EDIL3: variants seen among roughly 807,000 people sequenced by gnomAD.
EDIL3 encodes the protein EGF-like repeat and discoidin I-like domain-containing protein 3.
A neutral mutation model predicts 67.4 loss-of-function variants in EDIL3; 37 were observed. That is an observed-to-expected ratio of 0.55 (90% confidence interval 0.42 to 0.72). EDIL3 has a LOEUF of 0.72. Among genes scored for constraint, EDIL3 ranks in the 30% least tolerant of loss-of-function variants. EDIL3 has a pLI of 0.00. For synonymous variants in EDIL3, 195 were observed against 196.3 expected (o/e 0.99, Z 0.05); for missense variants, 527 against 586.3 (o/e 0.90, Z 1.04).
chr5:84,306,353 T>C (rs889161200), intron 1 of EDIL3, among the ~76,000 whole-genome samples: 1 of 152,186 alleles, frequency 6.6e-6, no homozygotes, highest in East Asian at 1.9e-4. Context: ...AAGGAACAAA[T>C]TGAGGTTTAA....
chr5:84,330,414 CT>C (rs777386002), intron 1 of EDIL3, among the ~76,000 whole-genome samples: 3 of 152,102 alleles, frequency 2.0e-5, no homozygotes, highest in Non-Finnish European at 4.4e-5. Context: ...TACTCAACAT[CT>C]TTTTAAAAAA....
At chr5:84,285,078 CTA>C (rs1745783332) in intron 1 of EDIL3, among the ~76,000 whole-genome samples, 1 of 152,084 alleles carries the variant, frequency 6.6e-6, no homozygotes, top group Non-Finnish European at 1.5e-5. Context: ...TTAAATAGCA[CTA>C]TGATTATATT....
At chr5:84,233,296 A>G (rs1460159603) in intron 2 of EDIL3, among the ~76,000 whole-genome samples, 3 of 152,202 alleles carry the variant, frequency 2.0e-5, no homozygotes, top group Non-Finnish European at 4.4e-5. Context: ...GAATTTGAAT[A>G]TTGGGTTTTA....
intron 9 of EDIL3, chr5:84,047,463 A>C (rs1746244429): frequency 6.6e-6 from 1 of 152,094 alleles, no homozygotes; most frequent in Non-Finnish European, 1.5e-5. Context: ...TCATTGTATA[A>C]AAGTTAACTT....
intron 6 of EDIL3, among the ~76,000 whole-genome samples, chr5:84,088,689 T>C (rs959413254): frequency 4.6e-5 from 7 of 152,122 alleles, no homozygotes; most frequent in Admixed American, 1.3e-4. Flanking sequence ...AAGTATATAA[T>C]AGAAGCAAGA....
intron 1 of EDIL3, among the ~76,000 whole-genome samples, chr5:84,349,079 A>G (rs1370179624): frequency 6.6e-6 from 1 of 152,138 alleles, no homozygotes; most frequent in Non-Finnish European, 1.5e-5. Context: ...TCTTTACTAT[A>G]TAATGTAACA....
intron 9 of EDIL3, among the ~76,000 whole-genome samples, chr5:83,995,157 T>TAC (rs370763993): frequency 0.11 from 15,925 of 149,076 alleles, 949 homozygotes; most frequent in East Asian, 0.29. Context: ...CACACACACA[T>TAC]ACACACACAC....
At chr5:84,381,180 T>C (rs1379078992) in intron 1 of EDIL3, among the ~76,000 whole-genome samples, 1 of 152,110 alleles carries the variant, frequency 6.6e-6, no homozygotes, top group East Asian at 1.9e-4. Flanking sequence ...TTAAAACAAA[T>C]ACATTTTAAT....
intron 4 of EDIL3, among the ~76,000 whole-genome samples, chr5:84,149,392 G>A (rs1331120637): frequency 2.6e-5 from 4 of 152,168 alleles, no homozygotes; most frequent in Non-Finnish European, 5.9e-5. Context: ...AGACTGGAAA[G>A]CAAACTGTTT....
intron 6 of EDIL3, among the ~76,000 whole-genome samples, chr5:84,101,291 C>G (rs1287889987): frequency 1.3e-5 from 2 of 151,844 alleles, no homozygotes; most frequent in African/African-American, 4.8e-5. Context: ...GATAATTAAC[C>G]TGTTTGATTC....
intron 9 of EDIL3, among the ~76,000 whole-genome samples, chr5:84,036,626 C>T (rs909578600): frequency 6.6e-6 from 1 of 152,024 alleles, no homozygotes; most frequent in Non-Finnish European, 1.5e-5. Context: ...TAAGAAGTCC[C>T]GCATTGAGCA....
At chr5:84,180,943 T>A (rs961325799) in intron 3 of EDIL3, among the ~76,000 whole-genome samples, 7 of 152,160 alleles carry the variant, frequency 4.6e-5, no homozygotes, top group African/African-American at 1.7e-4. Context: ...GTTTAAAAAG[T>A]AATATTGAAT....
chr5:84,051,786 C>T (rs1268231545), intron 9 of EDIL3, among the ~76,000 whole-genome samples: 1 of 152,130 alleles, frequency 6.6e-6, no homozygotes, highest in East Asian at 1.9e-4. Flanking sequence ...ACGAACAAAG[C>T]CTCCAAGAAA....
intron 6 of EDIL3, among the ~76,000 whole-genome samples, chr5:84,101,268 A>T (rs567550015): frequency 6.6e-6 from 1 of 152,232 alleles, no homozygotes; most frequent in African/African-American, 2.4e-5. Context: ...TAAAGTTCTG[A>T]CAACTTGGAT....
intron 4 of EDIL3, among the ~76,000 whole-genome samples, chr5:84,170,284 G>A (rs527814230): frequency 1.6e-4 from 24 of 152,096 alleles, no homozygotes; most frequent in African/African-American, 4.6e-4. Flanking sequence ...GCTGAGCAAC[G>A]GTGTTCACAA....
intron 5 of EDIL3, among the ~76,000 whole-genome samples, chr5:84,133,464 CAAA>C (rs5869210): frequency 0.014 from 1,235 of 86,530 alleles, 15 homozygotes; most frequent in African/African-American, 0.044. Context: ...ACTAAAAATA[CAAA>C]AAAAAAAAAA....
intron 1 of EDIL3, among the ~76,000 whole-genome samples, chr5:84,297,445 A>G (rs1746074503): frequency 6.6e-6 from 1 of 152,206 alleles, no homozygotes; most frequent in Non-Finnish European, 1.5e-5. Flanking sequence ...AATTAGTTCA[A>G]CCATTGTGGA....
At chr5:84,096,240 T>C (rs557644357) in intron 6 of EDIL3, among the ~76,000 whole-genome samples, 332 of 152,164 alleles carry the variant, frequency 2.2e-3, no homozygotes, top group African/African-American at 7.6e-3. Context: ...CCCAAAATGG[T>C]AGATCCCCCA....
chr5:84,264,491 G>A (rs1267755204), intron 1 of EDIL3, among the ~76,000 whole-genome samples: 1 of 152,152 alleles, frequency 6.6e-6, no homozygotes, highest in African/African-American at 2.4e-5. Context: ...CAACAGCTGA[G>A]GTAGTGCAGG....
Sources: allele counts gnomAD v4.1 joint callset (sites outside exome capture counted in the v4.1 genomes callset), GRCh38; gene constraint gnomAD v4.1.1; transcripts MANE v1.5; gene names NCBI Gene and HGNC (gene_info 2026-07-23, HGNC 2026-07-21).